Variants in UNC79 observed in about 807,000 individuals in gnomAD.
UNC79 encodes the protein unc-79 subunit of NALCN channel complex, also known as protein unc-79 homolog.
Under a neutral mutation model 283.1 loss-of-function variants are expected in UNC79, and 37 were observed. That is an observed-to-expected ratio of 0.13 (90% CI 0.10 to 0.17). The LOEUF is 0.17. Among genes scored for constraint, UNC79 ranks in the 10% least tolerant of loss-of-function variants. The probability of loss-of-function intolerance (pLI) is 1.00; values close to 1 mark genes in which losing one functional copy is unlikely to be tolerated. For missense variants in UNC79, 2,272 were observed against 3,211.1 expected (o/e 0.71, Z 7.07); for synonymous variants, 1,107 against 1,200.2 (o/e 0.92, Z 1.61).
intron 47 of UNC79, 61 bp from the exon 51 acceptor site, chr14:93,704,564 G>A (rs1436231771): frequency 2.5e-6 from 4 of 1,586,492 alleles, no homozygotes; most frequent in Admixed American, 3.3e-5. Flanking sequence ...CTTGCAATGA[G>A]CGAAGCTTTG....
At chr14:93,624,532 C>T (rs2067400805) in intron 30 of UNC79, among the ~76,000 whole-genome samples, 1 of 152,130 alleles carries the variant, frequency 6.6e-6, no homozygotes, top group African/African-American at 2.4e-5. Context: ...TAGGTTCTAG[C>T]ATGCAGGTTT....
rs1365969943 is a variant in UNC79, at chr14:93,537,855, C to T, written c.1123-134C>T. Reference sequence around the variant, plus strand: ...GAAATCTAGGTAGTGGGAGAATAACCTGCGCTTTGGAAACTAGTGGCCCTT... The same window carrying T: ...GAAATCTAGGTAGTGGGAGAATAACTTGCGCTTTGGAAACTAGTGGCCCTT... On this transcript the variant is annotated intron_variant, in intron 11 of 48. Transcript: ENST00000555664. The T allele has an allele frequency of 5.0e-6, 4 of 794,194 alleles. No individual in the cohort carries two copies. The African/African-American group carries it at 7.0e-5, about 14-fold the overall frequency. 49.2% of individuals were successfully genotyped at this position (794,194 alleles called of 1,614,324 possible).
intron 26 of UNC79, among the ~76,000 whole-genome samples, chr14:93,605,683 A>G (rs560740374): frequency 6.6e-6 from 1 of 152,316 alleles, no homozygotes; most frequent in Middle Eastern, 3.4e-3. Flanking sequence ...ATCTAAGACT[A>G]CTAGTTTTAA....
chr14:93,517,475 T>C (rs1329916808), intron 7 of UNC79, among the ~76,000 whole-genome samples: 1 of 150,842 alleles, frequency 6.6e-6, no homozygotes, highest in African/African-American at 2.4e-5. Context: ...TTCATAGATT[T>C]TTTTTTTTTT....
chr14:93,500,852 G>A (rs530798431), intron 7 of UNC79, among the ~76,000 whole-genome samples: 148 of 152,274 alleles, frequency 9.7e-4, no homozygotes, highest in Middle Eastern at 3.4e-3. Flanking sequence ...TGTCTGCAAT[G>A]CCTACTGCAA....
intron 1 of UNC79, among the ~76,000 whole-genome samples, chr14:93,357,894 GAGATAT>G (rs1415020401): frequency 1.5e-4 from 5 of 33,248 alleles, no homozygotes; most frequent in Admixed American, 4.3e-4. Flanking sequence ...TGGATATATG[GAGATAT>G]ATATCTATAT....
At chr14:93,467,470 A>T (rs1566958701) in intron 1 of UNC79, among the ~76,000 whole-genome samples, 5 of 151,710 alleles carry the variant, frequency 3.3e-5, no homozygotes, top group Admixed American at 2.0e-4. Flanking sequence ...AAAAGAAATT[A>T]AAAGTTTTTT....
At chr14:93,529,105 C>A (rs1006831808) in intron 9 of UNC79, among the ~76,000 whole-genome samples, 181 bp from the exon 10 acceptor site, 2 of 152,104 alleles carry the variant, frequency 1.3e-5, no homozygotes. Flanking sequence ...TGATGAAGTG[C>A]CTATAATTTA....
chr14:93,355,554 A>G (rs915219890), intron 1 of UNC79, among the ~76,000 whole-genome samples: 12 of 151,580 alleles, frequency 7.9e-5, no homozygotes, highest in Admixed American at 6.6e-4. Context: ...GGTGGTCTCG[A>G]CCTCCTGACC....
chr14:93,672,280 CCT>C, intron 40 of UNC79, among the ~76,000 whole-genome samples: 1 of 152,136 alleles, frequency 6.6e-6, no homozygotes, highest in Non-Finnish European at 1.5e-5. Context: ...ATGGAGTCAA[CCT>C]AAGTGTCCAT....
At chr14:93,679,242 C>T (rs1360203402) in intron 41 of UNC79, among the ~76,000 whole-genome samples, 1 of 152,098 alleles carries the variant, frequency 6.6e-6, no homozygotes, top group East Asian at 1.9e-4. Context: ...AGGCGGATCA[C>T]GAAGTCAAGA....
intron 1 of UNC79, among the ~76,000 whole-genome samples, chr14:93,377,549 G>C (rs2054586851): frequency 6.6e-6 from 1 of 152,170 alleles, no homozygotes; most frequent in Non-Finnish European, 1.5e-5. Flanking sequence ...CTCAACCAGT[G>C]AGGTCTTGCA....
chr14:93,501,302 C>T (rs930688982), intron 7 of UNC79, among the ~76,000 whole-genome samples: 4 of 151,100 alleles, frequency 2.6e-5, no homozygotes, highest in Admixed American at 6.6e-5. Flanking sequence ...GAAGCCTGGA[C>T]GACAGACCAA....
intron 41 of UNC79, among the ~76,000 whole-genome samples, chr14:93,682,100 G>T (rs568813833): frequency 3.9e-5 from 6 of 152,330 alleles, no homozygotes; most frequent in African/African-American, 1.4e-4. Flanking sequence ...CCCAGAGAAG[G>T]AGTGGGGGTC....
chr14:93,603,871 A>G (rs1303470403), intron 26 of UNC79, among the ~76,000 whole-genome samples: 1 of 152,160 alleles, frequency 6.6e-6, no homozygotes, highest in Non-Finnish European at 1.5e-5. Flanking sequence ...CAAGCCCCCT[A>G]AGACAAACCA....
chr14:93,579,520 C>T (rs927215548), intron 18 of UNC79, among the ~76,000 whole-genome samples: 1 of 152,134 alleles, frequency 6.6e-6, no homozygotes, highest in Non-Finnish European at 1.5e-5. Context: ...CTACTCATCC[C>T]GCAGTGCCCA....
At chr14:93,694,817 A>G (rs931640516) in intron 47 of UNC79, among the ~76,000 whole-genome samples, 5 of 152,250 alleles carry the variant, frequency 3.3e-5, no homozygotes, top group Non-Finnish European at 5.9e-5. Flanking sequence ...TATTGATGTG[A>G]AAATTACGCT....
chr14:93,518,445 T>A (rs1157747272), intron 7 of UNC79, among the ~76,000 whole-genome samples: 2 of 151,760 alleles, frequency 1.3e-5, no homozygotes, highest in African/African-American at 4.8e-5. Context: ...TTTTCAATTT[T>A]TTTTTTGTCC....
At chr14:93,657,351 ATT>A (rs11322674) in intron 38 of UNC79, among the ~76,000 whole-genome samples, 353 of 136,858 alleles carry the variant, frequency 2.6e-3, no homozygotes, top group Middle Eastern at 7.5e-3. Flanking sequence ...GGTATGGCAA[ATT>A]TTTTTTTTTT....
Sources: gnomAD v4.1 joint callset for allele counts (sites outside exome capture counted in the v4.1 genomes callset) on GRCh38, gnomAD v4.1.1 for gene constraint, MANE v1.5 for transcripts, NCBI Gene and HGNC (gene_info 2026-07-23, HGNC 2026-07-21) for gene names.